CHRNA6: variants seen among roughly 807,000 people sequenced by gnomAD.
CHRNA6 encodes the protein neuronal acetylcholine receptor subunit alpha-6.
A neutral mutation model predicts 40.9 loss-of-function variants in CHRNA6; 31 were observed. The ratio of observed to expected loss-of-function variants is 0.76; its 90% CI spans 0.57 to 1.02. The LOEUF is 1.02. Ranked by LOEUF, CHRNA6 falls within the 50% of genes least tolerant of loss-of-function variation. CHRNA6 has a pLI of 0.00. For missense variants in CHRNA6, 546 were observed against 596.6 expected (o/e 0.92, Z 0.88); for synonymous variants, 222 against 221.3 (o/e 1.00, Z -0.03).
chr8:42,757,712 G>A (rs1199131372), intron 3 of CHRNA6, among the ~76,000 whole-genome samples: 1 of 134,828 alleles, frequency 7.4e-6, no homozygotes, highest in Non-Finnish European at 1.6e-5. Flanking sequence ...CAGCCTAGGC[G>A]ACGGACCGGG....
Position 42,753,264 on chromosome 8 carries a change from A to C in CHRNA6, c.1400T>G (p.Phe467Cys). ...ACAGACAATTATAAATACCCAAAGAAATACTCTGTCCACCACCATGGCCAC... is the reference window on the plus strand; with the variant it reads ...ACAGACAATTATAAATACCCAAAGACATACTCTGTCCACCACCATGGCCAC... ...KYVAMVVDRV[F>C]LWVFIIVCVF... The change falls in exon 6 of 6, where the codon TTT becomes TGT. Residue 467 changes from phenylalanine (F) to cysteine (C), a missense_variant. Physicochemically the swap from Phe to Cys is radical, Grantham distance 205. Coordinates refer to ENST00000276410, the MANE Select transcript of CHRNA6 (RefSeq NM_004198.3). The C allele has an allele frequency of 6.2e-7, 1 of 1,612,730 alleles. No homozygotes were observed. The highest frequency in any genetic ancestry group is 8.5e-7 in the Non-Finnish European group (1 of 1,179,332).
intron 3 of CHRNA6, among the ~76,000 whole-genome samples, chr8:42,757,266 T>G (rs1250448949): frequency 6.6e-6 from 1 of 151,834 alleles, no homozygotes; most frequent in Non-Finnish European, 1.5e-5. Flanking sequence ...CTCGGGAGGC[T>G]GAGGCAGGAG....
intron 3 of CHRNA6, among the ~76,000 whole-genome samples, chr8:42,758,225 C>T (rs528833037): frequency 6.6e-6 from 1 of 152,090 alleles, no homozygotes; most frequent in African/African-American, 2.4e-5. Context: ...AAGTTTTAGG[C>T]TCAACTTCCA....
At chr8:42,768,151 C>G (rs1816998049) in intron 1 of CHRNA6, among the ~76,000 whole-genome samples, 1 of 152,192 alleles carries the variant, frequency 6.6e-6, no homozygotes, top group Admixed American at 6.5e-5. Context: ...CTCTCCTCCC[C>G]ACCCTACCCC....
At chr8:42,755,063 C>T (rs1197215203) in intron 5 of CHRNA6, among the ~76,000 whole-genome samples, 1 of 142,588 alleles carries the variant, frequency 7.0e-6, no homozygotes, top group Non-Finnish European at 1.5e-5. Flanking sequence ...TTTCCTGAGA[C>T]AGGGCCCTGA....
Position 42,756,755 on chromosome 8 carries a change from C to A in CHRNA6, c.444G>T (p.Trp148Cys). ...ALLKYNGMIT[W>C]TPPAIFKSSC... Reference sequence around the variant, plus strand: ...AACTCTTAAAAATAGCTGGTGGAGTCCAGGTTATCATGCCATTGTATTTAA... The same window carrying A: ...AACTCTTAAAAATAGCTGGTGGAGTACAGGTTATCATGCCATTGTATTTAA... Residue 148 changes from tryptophan to cysteine, a missense_variant, in exon 5 of 6, where the codon TGG becomes TGT. Physicochemically the swap from Trp to Cys is radical, Grantham distance 215. This residue lies in a region of CHRNA6 where 476 missense variants were observed against 494.5 expected (regional missense o/e 0.96). Transcript: ENST00000276410. The A allele has an allele frequency of 6.2e-7, 1 of 1,612,986 alleles. No homozygotes were observed. Among genetic ancestry groups the A allele is most frequent in the Non-Finnish European group, 8.5e-7 (1 of 1,179,792 alleles).
chr8:42,766,516 A>AAGAAAGAAAGAAAGAAAGAAAGAAAGAG (rs1360689154), intron 1 of CHRNA6, among the ~76,000 whole-genome samples: 1 of 152,120 alleles, frequency 6.6e-6, no homozygotes, highest in Non-Finnish European at 1.5e-5. Flanking sequence ...GAAAGAAAGA[A>AAGAAAGAAAGAAAGAAAGAAAGAAAGAG]AGAAAATGTG....
In CHRNA6 at chr8:42,765,162, A is replaced by T; in HGVS notation, c.122T>A (p.Leu41Gln). The T allele has an allele frequency of 1.2e-6, 2 of 1,614,116 alleles. No individual in the cohort carries two copies. The highest frequency in any genetic ancestry group is 1.1e-5 in the South Asian group (1 of 91,074). The change falls in exon 2 of 6, where the codon CTG becomes CAG. Residue 41 changes from leucine to glutamine, a missense_variant. Leu to Gln is a moderately radical substitution (Grantham distance 113). Coordinates refer to ENST00000276410, the MANE Select transcript of CHRNA6 (RefSeq NM_004198.3). ...GATGAACTGGTTGTAATGAGAAAACAGTTTGTGGAAGAGCCTCTCCTCAGT... is the reference window on the plus strand; with the variant it reads ...GATGAACTGGTTGTAATGAGAAAACTGTTTGTGGAAGAGCCTCTCCTCAGT... ...CATEERLFHK[L>Q]FSHYNQFIRP... is the part of the protein sequence containing the mutation.
intron 5 of CHRNA6, 59 bp from the exon 6 acceptor site, chr8:42,753,369 C>A (rs1386140950): frequency 6.9e-7 from 1 of 1,456,376 alleles, no homozygotes; most frequent in Non-Finnish European, 9.4e-7. Flanking sequence ...AAGAAACATG[C>A]CTTGTTTCAT....
chr8:42,759,097 A>G lies in CHRNA6; in HGVS notation c.236T>C (p.Ile79Thr). ...ACGCAGCCACAAATTGGTTTCCATG[A>G]TCTGGTTTACTTCATCCTGGGAAGA... ...QLANVDEVNQ[I>T]METNLWLRHI... The change falls in exon 3 of 6, where the codon ATC (isoleucine) becomes ACC (threonine). Residue 79 changes from isoleucine to threonine, a missense_variant. Physicochemically the swap from Ile to Thr is moderately conservative, Grantham distance 89. This residue lies in a region of CHRNA6 where 476 missense variants were observed against 494.5 expected (regional missense o/e 0.96). Transcript: ENST00000276410. 1 of 1,613,488 alleles carries G rather than the reference A, an allele frequency of 6.2e-7. No homozygotes were observed. The highest frequency in any genetic ancestry group is 8.5e-7 in the Non-Finnish European group (1 of 1,179,386).
At chr8:42,762,615 C>T (rs1463993989) in intron 2 of CHRNA6, among the ~76,000 whole-genome samples, 2 of 152,158 alleles carry the variant, frequency 1.3e-5, no homozygotes, top group African/African-American at 4.8e-5. Flanking sequence ...CGCCACTGCA[C>T]CCCAGCCTGG....
chr8:42,759,083 A>G lies in CHRNA6; in HGVS notation c.250T>C (p.Leu84=), dbSNP rs751636774. The G allele has an allele frequency of 7.4e-6, 12 of 1,613,586 alleles. No individual in the cohort carries two copies. The highest frequency in any genetic ancestry group is 1.1e-5 in the South Asian group (1 of 91,072). ...TAGGCACATACGTGACGCAGCCACAAATTGGTTTCCATGATCTGGTTTACT... is the reference window on the plus strand; with the variant it reads ...TAGGCACATACGTGACGCAGCCACAGATTGGTTTCCATGATCTGGTTTACT... The part of the protein sequence containing the change: ...DEVNQIMETN[L]WLRHIWNDYK... Residue 84 remains leucine, a synonymous_variant, in exon 3 of 6, where the codon TTG becomes CTG. Transcript: ENST00000276410.
At chr8:42,757,897 T>C (rs2128911509) in intron 3 of CHRNA6, among the ~76,000 whole-genome samples, 1 of 151,520 alleles carries the variant, frequency 6.6e-6, no homozygotes, top group Non-Finnish European at 1.5e-5. Context: ...TAGCCGGGCG[T>C]GGTGGCGGGC....
chr8:42,756,570 TCAATGATTTCC>T lies in CHRNA6; in HGVS notation c.618_628del (p.Trp206Ter), dbSNP rs1274627299. On this transcript the variant is annotated stop_gained and frameshift_variant, in exon 5 of 6. Transcript: ENST00000276410. LOFTEE classifies it high-confidence loss of function. ...GATGTCATGTTTGTAGCCAGAGGCA[TCAATGATTTCC>T]CATTCACTGTTTTCCCAAAAATCAT... 1.9e-6 allele frequency: 3 copies of T among 1,614,156 alleles called. No individual in the cohort carries two copies. In the Admixed American group the frequency reaches 5.0e-5, roughly 27 times the overall value.
At chr8:42,759,238 G>A (rs1281974394) in intron 2 of CHRNA6, 125 bp from the exon 3 acceptor site, 1 of 714,212 alleles carries the variant, frequency 1.4e-6, no homozygotes, top group South Asian at 1.6e-5. Context: ...AAGACTTCAA[G>A]GCAATGTGTG....
At chr8:42,764,590 G>A (rs144820917) in intron 2 of CHRNA6, among the ~76,000 whole-genome samples, 8 of 152,320 alleles carry the variant, frequency 5.3e-5, no homozygotes, top group Non-Finnish European at 1.0e-4. Flanking sequence ...GCCTCCCAAA[G>A]TGCTGGGATT....
intron 5 of CHRNA6, 50 bp downstream of exon 5, chr8:42,755,796 A>G (rs1563623484): frequency 6.4e-7 from 1 of 1,570,758 alleles, no homozygotes; most frequent in Non-Finnish European, 8.6e-7. Context: ...CAGAGTGCCC[A>G]TAGGCTGCAA....
chr8:42,756,979 A>G lies in CHRNA6; in HGVS notation c.323T>C (p.Leu108Pro). The G allele has an allele frequency of 6.2e-7, 1 of 1,614,092 alleles. No individual in the cohort carries two copies. ...CCAAATCTTATCTGCAGGAACGCGA[A>G]GAGTCTCAATGCCATCATATTCCAT... The part of the protein sequence containing the change: ...DPMEYDGIET[L>P]RVPADKIWKP... The change falls in exon 4 of 6, where the codon CTT becomes CCT. Residue 108 changes from leucine (L) to proline (P), a missense_variant. Physicochemically the swap from Leu to Pro is moderately conservative, Grantham distance 98. Coordinates refer to ENST00000276410, the MANE Select transcript of CHRNA6 (RefSeq NM_004198.3).
At chr8:42,761,557 T>C (rs17694503) in intron 2 of CHRNA6, among the ~76,000 whole-genome samples, 3,950 of 152,322 alleles carry the variant, frequency 0.026, 72 homozygotes, top group Middle Eastern at 0.085. Flanking sequence ...CAGCCTCACT[T>C]CCGCAGGCTC....
Sources: gnomAD v4.1 joint callset for allele counts (sites outside exome capture counted in the v4.1 genomes callset) on GRCh38, gnomAD v4.1.1 for gene constraint, gnomAD v4.1.1 regional missense constraint, MANE v1.5 for transcripts, NCBI Gene and HGNC (gene_info 2026-07-23, HGNC 2026-07-21) for gene names.